INSL6: variants seen among roughly 807,000 people sequenced by gnomAD.
INSL6 encodes insulin-like peptide INSL6.
Under a neutral mutation model 9.4 loss-of-function variants are expected in INSL6, and 16 were observed. The observed-to-expected ratio is 1.70, with a 90% CI of 1.15 to 2.59. INSL6 has a LOEUF of 2.59. Among genes scored for constraint, INSL6 ranks in the 30% most tolerant of loss-of-function variants. The probability of loss-of-function intolerance (pLI) is 0.00; values close to 1 mark genes in which losing one functional copy is unlikely to be tolerated. For synonymous variants in INSL6, 154 were observed against 96.9 expected (o/e 1.59, Z -3.46); for missense variants, 391 against 257.3 (o/e 1.52, Z -3.56).
chr9:5,150,424 T>C (rs1003268041), intron 2 of INSL6, among the ~76,000 whole-genome samples: 2 of 152,004 alleles, frequency 1.3e-5, no homozygotes, highest in African/African-American at 4.8e-5. Flanking sequence ...CCATTAAAAA[T>C]TGTGCAAAGG....
chr9:5,148,898 T>C (rs1257406990), intron 2 of INSL6, among the ~76,000 whole-genome samples: 2 of 152,150 alleles, frequency 1.3e-5, no homozygotes, highest in African/African-American at 2.4e-5. Context: ...CAGGGCAGCC[T>C]GGCAGGGACC....
the INSL6 span, chr9:5,029,679 C>G: frequency 2.9e-6 from 3 of 1,033,156 alleles, no homozygotes; most frequent in Non-Finnish European, 4.1e-6. Context: ...CATTTTGTTC[C>G]GATTTTAAGA....
chr9:5,027,937 C>A, the INSL6 span, among the ~76,000 whole-genome samples: 1 of 152,192 alleles, frequency 6.6e-6, no homozygotes, highest in Non-Finnish European at 1.5e-5. Flanking sequence ...AAGATTAAAT[C>A]CCTCAAAGAT....
chr9:5,090,355 A>G, the INSL6 span: 2 of 930,254 alleles, frequency 2.1e-6, no homozygotes, highest in Admixed American at 3.0e-5. Flanking sequence ...GATTTCATAT[A>G]TGTTTAAGTC....
intron 1 of INSL6, among the ~76,000 whole-genome samples, chr9:5,170,056 G>C (rs564852612): frequency 3.4e-4 from 51 of 152,228 alleles, no homozygotes; most frequent in Middle Eastern, 6.8e-3. Flanking sequence ...CCAAACAACA[G>C]ATATAGATTC....
In INSL6 at chr9:5,143,470, T is replaced by G. The variant is rs115370484; in HGVS notation, c.377-9878A>C. On this transcript the variant is annotated intron_variant, in intron 2 of 3. Coordinates refer to the INSL6 transcript ENST00000649639. ...TTTCTTCTATGTTTTCCAGTTGATTTCCATAGAGGTGTTCATAATATTATC... is the reference window on the plus strand; with the variant it reads ...TTTCTTCTATGTTTTCCAGTTGATTGCCATAGAGGTGTTCATAATATTATC... 5.8e-3 allele frequency among the ~76,000 whole-genome samples: 883 copies of G among 152,232 alleles called. 4 individuals carry two copies. Among genetic ancestry groups the G allele is most frequent in the African/African-American group, 0.02 (816 of 41,530 alleles).
chr9:5,168,464 G>C (rs1825106091), intron 1 of INSL6, among the ~76,000 whole-genome samples: 1 of 152,104 alleles, frequency 6.6e-6, no homozygotes, highest in Non-Finnish European at 1.5e-5. Flanking sequence ...AATAGACCAA[G>C]TGGAAGAAAA....
At chr9:5,102,212 G>T in the INSL6 span, among the ~76,000 whole-genome samples, 1 of 152,168 alleles carries the variant, frequency 6.6e-6, no homozygotes, top group Non-Finnish European at 1.5e-5. Context: ...TGATGGAGCT[G>T]AAAACCATGG....
At chr9:4,992,467 T>C in the INSL6 span, among the ~76,000 whole-genome samples, 6 of 152,146 alleles carry the variant, frequency 3.9e-5, no homozygotes, top group African/African-American at 1.2e-4. Flanking sequence ...TGGGAAATAG[T>C]GTTATGGCCA....
chr9:5,058,564 A>G, the INSL6 span, among the ~76,000 whole-genome samples: 5 of 152,222 alleles, frequency 3.3e-5, no homozygotes. Context: ...AAACCATGTC[A>G]TACCTAGAAG....
At chr9:5,006,169 T>C in the INSL6 span, among the ~76,000 whole-genome samples, 1 of 152,134 alleles carries the variant, frequency 6.6e-6, no homozygotes, top group Non-Finnish European at 1.5e-5. Context: ...TTTTATTTCA[T>C]TGAGCAGTGG....
chr9:5,104,058 A>G, the INSL6 span, among the ~76,000 whole-genome samples: 1 of 152,226 alleles, frequency 6.6e-6, no homozygotes, highest in African/African-American at 2.4e-5. Context: ...GGCAAGAAAT[A>G]ACTAAGATCA....
At chr9:5,087,838 A>G in the INSL6 span, among the ~76,000 whole-genome samples, 1 of 152,236 alleles carries the variant, frequency 6.6e-6, no homozygotes, top group Non-Finnish European at 1.5e-5. Flanking sequence ...ATTTATTTAT[A>G]AGAATATTAT....
the INSL6 span, among the ~76,000 whole-genome samples, chr9:5,092,606 A>G: frequency 6.6e-6 from 1 of 152,204 alleles, no homozygotes; most frequent in Admixed American, 6.5e-5. Flanking sequence ...TAAGGGAAAG[A>G]TGAAAGAACT....
At chr9:5,152,857 C>G (rs12341481) in intron 2 of INSL6, among the ~76,000 whole-genome samples, 2 of 152,192 alleles carry the variant, frequency 1.3e-5, no homozygotes, top group African/African-American at 4.8e-5. Context: ...CCACATTCAT[C>G]TCATTGGGAC....
At chr9:5,008,649 C>A in the INSL6 span, among the ~76,000 whole-genome samples, 1 of 152,138 alleles carries the variant, frequency 6.6e-6, no homozygotes, top group Admixed American at 6.5e-5. Context: ...AAACTGAACT[C>A]TTTTAGAGTT....
the INSL6 span, among the ~76,000 whole-genome samples, chr9:5,116,897 G>C: frequency 6.6e-6 from 1 of 152,148 alleles, no homozygotes; most frequent in Admixed American, 6.5e-5. Flanking sequence ...AATAATTAAG[G>C]TACTGGGAAA....
At chr9:5,025,054 C>T in the INSL6 span, among the ~76,000 whole-genome samples, 1 of 152,190 alleles carries the variant, frequency 6.6e-6, no homozygotes, top group Admixed American at 6.5e-5. Context: ...TGGCTGTTTT[C>T]TTGATTCAGC....
chr9:5,112,324 C>G, the INSL6 span: 150 of 293,694 alleles, frequency 5.1e-4, 2 homozygotes, highest in South Asian at 5.8e-3. Context: ...CAGGCGCCCT[C>G]CCCGACCTCT....
Sources: gnomAD v4.1 joint callset for allele counts (sites outside exome capture counted in the v4.1 genomes callset) on GRCh38, gnomAD v4.1.1 for gene constraint, MANE v1.5 for transcripts, NCBI Gene and HGNC (gene_info 2026-07-23, HGNC 2026-07-21) for gene names.